The following CHD6 variants were observed in gnomAD, a reference collection of about 807,000 sequenced individuals.
CHD6 encodes chromodomain helicase DNA binding protein 6, also known as ATP-dependent chromatin remodeler CHD6.
In CHD6, 50 loss-of-function variants were observed where a neutral mutation model predicts 276.9. The ratio of observed to expected loss-of-function variants is 0.18; its 90% CI spans 0.14 to 0.23. The LOEUF (loss-of-function observed/expected upper bound fraction) is 0.23. Among genes scored for constraint, CHD6 ranks in the 10% least tolerant of loss-of-function variants. CHD6 has a pLI of 1.00. For synonymous variants in CHD6, 1,173 were observed against 1,229.3 expected (o/e 0.95, Z 0.96); for missense variants, 2,564 against 3,365.8 (o/e 0.76, Z 5.89).
intron 16 of CHD6, among the ~76,000 whole-genome samples, chr20:41,479,453 G>A (rs1211423246): frequency 2.6e-5 from 4 of 152,138 alleles, no homozygotes; most frequent in Non-Finnish European, 4.4e-5. Context: ...GCAGCAATGT[G>A]AATGACTGCA....
intron 1 of CHD6, among the ~76,000 whole-genome samples, chr20:41,580,535 C>T (rs2045524986): frequency 6.6e-6 from 1 of 150,534 alleles, no homozygotes; most frequent in Non-Finnish European, 1.5e-5. Context: ...TGGTGCATGC[C>T]TGTGGTCCCA....
intron 1 of CHD6, among the ~76,000 whole-genome samples, chr20:41,603,493 T>A (rs2045794233): frequency 1.3e-5 from 2 of 152,188 alleles, no homozygotes. Flanking sequence ...TAAGGTAAAT[T>A]CCTTGTGTAA....
chr20:41,526,781 T>C (rs925903863), intron 3 of CHD6, among the ~76,000 whole-genome samples: 10 of 152,168 alleles, frequency 6.6e-5, no homozygotes, highest in Non-Finnish European at 1.0e-4. Flanking sequence ...TTACACAGGC[T>C]CCACTTTTCC....
intron 30 of CHD6, among the ~76,000 whole-genome samples, chr20:41,422,802 C>G (rs2047238253): frequency 6.6e-6 from 1 of 152,204 alleles, no homozygotes; most frequent in East Asian, 1.9e-4. Flanking sequence ...CCAATATATT[C>G]AGCTCCCTGG....
chr20:41,442,071 C>T (rs1480563216), intron 25 of CHD6, among the ~76,000 whole-genome samples: 1 of 152,162 alleles, frequency 6.6e-6, no homozygotes, highest in Non-Finnish European at 1.5e-5. Flanking sequence ...CTAATGGGGT[C>T]AGCTTGGAGA....
intron 5 of CHD6, 56 bp from the exon 6 acceptor site, chr20:41,499,413 A>T: frequency 7.2e-7 from 1 of 1,382,412 alleles, no homozygotes. Flanking sequence ...ATCCAAGAAA[A>T]CAATTCTGTA....
chr20:41,549,458 A>C (rs2045109728), intron 2 of CHD6, among the ~76,000 whole-genome samples: 1 of 132,534 alleles, frequency 7.5e-6, no homozygotes, highest in African/African-American at 2.9e-5. Context: ...ACACATGGAC[A>C]CAGGAAGGGG....
At chr20:41,445,834 C>T in intron 24 of CHD6, 66 bp from the exon 25 acceptor site, 3 of 936,464 alleles carry the variant, frequency 3.2e-6, no homozygotes, top group East Asian at 2.4e-5. Flanking sequence ...GGTATTAGGC[C>T]ACAGTCCTAC....
intron 16 of CHD6, among the ~76,000 whole-genome samples, chr20:41,476,559 A>G (rs2043171791): frequency 6.6e-6 from 1 of 152,226 alleles, no homozygotes; most frequent in South Asian, 2.1e-4. Context: ...CACAACAGTT[A>G]CAAGCATATA....
intron 1 of CHD6, among the ~76,000 whole-genome samples, chr20:41,573,686 A>G (rs1185668193): frequency 1.3e-5 from 2 of 152,214 alleles, no homozygotes; most frequent in Non-Finnish European, 2.9e-5. Context: ...AACAAAAACA[A>G]ACATCAAGAC....
rs2047200221 is a variant in CHD6, at chr20:41,421,742, G to A, written c.4893C>T (p.Cys1631=). ...SGTQAPGNLC[C]LYQTNSKLYE... is the part of the protein sequence containing the mutation. ...ATAACTTGGAGTTGGTCTGGTAAAGGCAACAGAGATTTCCTGGTGCCTGGG... is the reference window on the plus strand; with the variant it reads ...ATAACTTGGAGTTGGTCTGGTAAAGACAACAGAGATTTCCTGGTGCCTGGG... Residue 1631 remains cysteine (C), a synonymous_variant, in exon 31 of 37, where the codon TGC becomes TGT. Transcript: ENST00000373233. The A allele has an allele frequency of 6.2e-7, 1 of 1,614,214 alleles. No individual in the cohort carries two copies. Among genetic ancestry groups the A allele is most frequent in the Admixed American group, 1.7e-5 (1 of 60,034 alleles).
chr20:41,488,753 T>C, intron 12 of CHD6, 149 bp from the exon 13 acceptor site: 3 of 679,396 alleles, frequency 4.4e-6, no homozygotes, highest in Non-Finnish European at 4.8e-6. Context: ...AAAGAGAATA[T>C]AAGAATTAAC....
intron 3 of CHD6, among the ~76,000 whole-genome samples, chr20:41,529,970 C>T (rs2044641078): frequency 6.6e-6 from 1 of 152,126 alleles, no homozygotes; most frequent in African/African-American, 2.4e-5. Flanking sequence ...AATATATTTT[C>T]CACCCTTCTT....
chr20:41,599,509 G>C (rs1184085668), intron 1 of CHD6, among the ~76,000 whole-genome samples: 1 of 152,010 alleles, frequency 6.6e-6, no homozygotes, highest in Non-Finnish European at 1.5e-5. Flanking sequence ...CGTATTTGTG[G>C]ATCAGGGCAA....
At position 41,482,496 on chromosome 20, in the gene CHD6, TAAGAAC is replaced by T. The variant is rs755583971; in HGVS notation, c.2468+807_2468+812del. On this transcript the variant is annotated intron_variant, in intron 16 of 36. Transcript: ENST00000373233. ...CAAGGGCAAACAGAATGTTAAAGAA[TAAGAAC>T]ATCTGTTAAGACACCCGAGATTTGC... 8.0e-6 allele frequency: 4 copies of T among 501,586 alleles called. No individual in the cohort carries two copies. The East Asian group carries it at 1.7e-4, about 21-fold the overall frequency. The allele number at this position is 501,586 out of a possible 1,614,324, so 31.1% of individuals were successfully genotyped here.
At position 41,452,051 on chromosome 20, in the gene CHD6, T is replaced by A. The variant is rs2145665291; in HGVS notation, c.3324-26A>T. On this transcript the variant is annotated intron_variant, in intron 21 of 36. Transcript: ENST00000373233. This position sits in a 1 kb window ranked among gnomAD's most constrained non-coding sequence, Gnocchi z 4.2. The stretch of plus-strand genomic sequence containing the variant: ...CTGACAGTGGACATACAGACAGGTG[T>A]TGGAGGGAGAATGGACCAGGCCATG... 5 of 1,595,438 alleles carry A rather than the reference T, an allele frequency of 3.1e-6. No individual in the cohort carries two copies. In the East Asian group the frequency reaches 9.0e-5, roughly 29 times the overall value.
At chr20:41,594,602 T>G (rs2045698577) in intron 1 of CHD6, among the ~76,000 whole-genome samples, 1 of 152,228 alleles carries the variant, frequency 6.6e-6, no homozygotes, top group Non-Finnish European at 1.5e-5. Context: ...AAACAATAAG[T>G]TCCTCTTCAA....
intron 1 of CHD6, among the ~76,000 whole-genome samples, chr20:41,608,218 C>T (rs962637015): frequency 4.0e-5 from 6 of 151,898 alleles, no homozygotes; most frequent in Admixed American, 3.3e-4. Flanking sequence ...AGCATTTTAC[C>T]GTGATAAAAG....
chr20:41,538,921 A>T (rs1193685291), intron 2 of CHD6, among the ~76,000 whole-genome samples: 1 of 152,068 alleles, frequency 6.6e-6, no homozygotes, highest in Non-Finnish European at 1.5e-5. Context: ...TGCCTTTTAC[A>T]ACTGCCTCCT....
Sources: gnomAD v4.1 joint callset for allele counts (sites outside exome capture counted in the v4.1 genomes callset) on GRCh38, gnomAD v4.1.1 for gene constraint, Gnocchi (gnomAD v3.1) non-coding constraint, MANE v1.5 for transcripts, NCBI Gene and HGNC (gene_info 2026-07-23, HGNC 2026-07-21) for gene names.